The following CFAP54 variants were observed in gnomAD, a reference collection of about 807,000 sequenced individuals.
The protein encoded by CFAP54 is cilia and flagella associated protein 54.
A neutral mutation model predicts 370.4 loss-of-function variants in CFAP54; 290 were observed. That is an observed-to-expected ratio of 0.78 (90% CI 0.71 to 0.86). CFAP54 has a LOEUF of 0.86. Among genes scored for constraint, CFAP54 ranks in the 40% least tolerant of loss-of-function variants. The pLI is 0.00. For missense variants in CFAP54, 3,399 were observed against 3,528.7 expected (o/e 0.96, Z 0.93); for synonymous variants, 1,206 against 1,236.5 (o/e 0.98, Z 0.52).
intron 66 of CFAP54, among the ~76,000 whole-genome samples, chr12:96,835,778 G>A (rs1420018641): frequency 6.6e-6 from 1 of 152,168 alleles, no homozygotes; most frequent in African/African-American, 2.4e-5. Context: ...CTACAGCCCT[G>A]GTTTGGGCAG....
At chr12:96,809,315 C>A (rs1958909395) in intron 63 of CFAP54, among the ~76,000 whole-genome samples, 1 of 152,056 alleles carries the variant, frequency 6.6e-6, no homozygotes, top group South Asian at 2.1e-4. Flanking sequence ...AGTTATTGAA[C>A]CAATTGGATT....
intron 50 of CFAP54, among the ~76,000 whole-genome samples, chr12:96,730,725 A>G (rs1957910993): frequency 6.6e-6 from 1 of 152,228 alleles, no homozygotes; most frequent in Non-Finnish European, 1.5e-5. Context: ...CTCTTTAAAC[A>G]GGAGAATCCC....
At chr12:96,687,868 A>C (rs1300050620) in intron 42 of CFAP54, among the ~76,000 whole-genome samples, 1 of 152,174 alleles carries the variant, frequency 6.6e-6, no homozygotes, top group African/African-American at 2.4e-5. Flanking sequence ...GCCAGAGGGC[A>C]CCTCCGCTTC....
intron 17 of CFAP54, among the ~76,000 whole-genome samples, chr12:96,560,240 T>G (rs1034812632): frequency 1.3e-5 from 2 of 152,198 alleles, no homozygotes; most frequent in African/African-American, 4.8e-5. Flanking sequence ...TAACAATATG[T>G]TTGTACTCAT....
At chr12:96,657,460 T>G (rs1159390138) in intron 36 of CFAP54, among the ~76,000 whole-genome samples, 1 of 152,230 alleles carries the variant, frequency 6.6e-6, no homozygotes, top group African/African-American at 2.4e-5. Flanking sequence ...TTATTTCATA[T>G]CCTTACTTAA....
chr12:96,867,950 G>A (rs577517738), intron 67 of CFAP54, among the ~76,000 whole-genome samples: 3 of 151,998 alleles, frequency 2.0e-5, no homozygotes, highest in South Asian at 2.1e-4. Flanking sequence ...TAATTGTCTC[G>A]ATTTACCTAT....
At chr12:96,624,915 T>C (rs1191291764) in intron 28 of CFAP54, among the ~76,000 whole-genome samples, 1 of 152,210 alleles carries the variant, frequency 6.6e-6, no homozygotes, top group East Asian at 1.9e-4. Flanking sequence ...TCTTATTATA[T>C]ATATAAAGTA....
chr12:96,666,240 C>T (rs1433278257), intron 39 of CFAP54, among the ~76,000 whole-genome samples: 2 of 152,000 alleles, frequency 1.3e-5, no homozygotes, highest in Non-Finnish European at 2.9e-5. Context: ...TGCTATTTTC[C>T]TTATTCTGTT....
At chr12:96,707,710 T>C (rs1298401162) in intron 47 of CFAP54, among the ~76,000 whole-genome samples, 1 of 152,140 alleles carries the variant, frequency 6.6e-6, no homozygotes, top group Non-Finnish European at 1.5e-5. Context: ...GCCTAAGTGG[T>C]AATGCCAGCC....
At chr12:96,495,896 G>A (rs774189547) in intron 1 of CFAP54, among the ~76,000 whole-genome samples, 1 of 152,020 alleles carries the variant, frequency 6.6e-6, no homozygotes, top group Non-Finnish European at 1.5e-5. Context: ...TATCTCATCT[G>A]TAAGGTTTAG....
chr12:96,684,794 A>C (rs1255097920), intron 41 of CFAP54, 59 bp downstream of exon 41: 1 of 1,390,430 alleles, frequency 7.2e-7, no homozygotes, highest in Non-Finnish European at 1.0e-6. Flanking sequence ...TTGTTTGAAG[A>C]AGTTTTTAAT....
chr12:96,709,541 A>T (rs1957586605), intron 48 of CFAP54, among the ~76,000 whole-genome samples: 1 of 152,064 alleles, frequency 6.6e-6, no homozygotes, highest in Non-Finnish European at 1.5e-5. Context: ...TATTTTTATC[A>T]TTGAAAGGGT....
chr12:96,801,288 A>G (rs1016041508), intron 63 of CFAP54, among the ~76,000 whole-genome samples: 5 of 152,234 alleles, frequency 3.3e-5, no homozygotes, highest in African/African-American at 1.2e-4. Context: ...TCTTGAGTAT[A>G]CGAGGTAGAA....
chr12:96,850,351 A>AT (rs1959504838), intron 66 of CFAP54, among the ~76,000 whole-genome samples: 1 of 151,576 alleles, frequency 6.6e-6, no homozygotes, highest in Non-Finnish European at 1.5e-5. Flanking sequence ...AAAAAAAAAA[A>AT]TAGCACTGAG....
At chr12:96,798,638 G>T (rs1958790071) in intron 63 of CFAP54, among the ~76,000 whole-genome samples, 2 of 152,098 alleles carry the variant, frequency 1.3e-5, no homozygotes, top group South Asian at 4.1e-4. Flanking sequence ...CCACTTAACA[G>T]TTTTGTGATC....
chr12:96,700,287 G>C (rs1458584146), intron 46 of CFAP54, among the ~76,000 whole-genome samples, 194 bp downstream of exon 46: 1 of 152,106 alleles, frequency 6.6e-6, no homozygotes, highest in Non-Finnish European at 1.5e-5. Context: ...ATGGGGGAGG[G>C]AGCATGGTTT....
At chr12:96,741,829 A>G (rs536876177) in intron 51 of CFAP54, among the ~76,000 whole-genome samples, 1 of 152,326 alleles carries the variant, frequency 6.6e-6, no homozygotes, top group Admixed American at 6.5e-5. Context: ...ATACAGCAGC[A>G]TGACACAGTG....
chr12:96,773,444 G>A (rs1958483467), intron 60 of CFAP54, among the ~76,000 whole-genome samples: 1 of 152,112 alleles, frequency 6.6e-6, no homozygotes, highest in Non-Finnish European at 1.5e-5. Context: ...ATCCCATCCA[G>A]GACAATAGTT....
intron 60 of CFAP54, among the ~76,000 whole-genome samples, chr12:96,782,956 T>C (rs1359056810): frequency 6.6e-6 from 1 of 152,178 alleles, no homozygotes; most frequent in Admixed American, 6.5e-5. Context: ...TAAATTGTGG[T>C]ATATTCCTAT....
Sources: gnomAD v4.1 joint callset for allele counts (sites outside exome capture counted in the v4.1 genomes callset) on GRCh38, gnomAD v4.1.1 for gene constraint, MANE v1.5 for transcripts, NCBI Gene and HGNC (gene_info 2026-07-23, HGNC 2026-07-21) for gene names.